PCCA: variants seen among roughly 807,000 people sequenced by gnomAD.
The protein encoded by PCCA is propionyl-CoA carboxylase subunit alpha, also known as propionyl-CoA carboxylase alpha chain, mitochondrial.
PCCA carries 74 observed loss-of-function variants against 101.3 expected under a neutral mutation model. That is an observed-to-expected ratio of 0.73 (90% CI 0.61 to 0.89). The LOEUF is 0.89. PCCA is among the 40% of genes least tolerant of loss of function. The probability of loss-of-function intolerance (pLI) is 0.00; values close to 1 mark genes in which losing one functional copy is unlikely to be tolerated. For synonymous variants in PCCA, 294 were observed against 313.6 expected (o/e 0.94, Z 0.66); for missense variants, 891 against 907.0 (o/e 0.98, Z 0.23).
At chr13:100,172,536 T>G (rs2055796719) in intron 6 of PCCA, among the ~76,000 whole-genome samples, 1 of 152,200 alleles carries the variant, frequency 6.6e-6, no homozygotes, top group Non-Finnish European at 1.5e-5. Flanking sequence ...GACTATGTAG[T>G]TTTATTATCA....
chr13:100,398,969 A>G (rs1164811738), intron 19 of PCCA, among the ~76,000 whole-genome samples: 5 of 152,112 alleles, frequency 3.3e-5, no homozygotes, highest in Non-Finnish European at 7.4e-5. Flanking sequence ...GAAGTATTGT[A>G]TTCTTTTTAA....
chr13:100,294,534 A>T (rs1016293899), intron 12 of PCCA, among the ~76,000 whole-genome samples: 1 of 151,934 alleles, frequency 6.6e-6, no homozygotes, highest in Non-Finnish European at 1.5e-5. Context: ...CCTATCTCCC[A>T]TCCCCCCAAA....
At chr13:100,330,309 A>G (rs1055545693) in intron 16 of PCCA, among the ~76,000 whole-genome samples, 2 of 152,234 alleles carry the variant, frequency 1.3e-5, no homozygotes, top group Admixed American at 6.5e-5. Context: ...CAAAACCACA[A>G]TTACTTTTGC....
chr13:100,412,889 C>T (rs971631719), intron 19 of PCCA, among the ~76,000 whole-genome samples: 1 of 151,992 alleles, frequency 6.6e-6, no homozygotes. Flanking sequence ...TCCTGTTAAT[C>T]AATTTGTAAT....
intron 8 of PCCA, among the ~76,000 whole-genome samples, chr13:100,253,578 G>A (rs143502236): frequency 2.2e-3 from 336 of 152,308 alleles, no homozygotes; most frequent in African/African-American, 7.8e-3. Context: ...GTCCAGAAAA[G>A]TAGCAATGGA....
intron 19 of PCCA, among the ~76,000 whole-genome samples, chr13:100,418,643 GC>G (rs2078538421): frequency 1.3e-5 from 2 of 152,152 alleles, no homozygotes; most frequent in African/African-American, 4.8e-5. Flanking sequence ...GACCAGCCTG[GC>G]CAACATGGTG....
chr13:100,276,283 T>C (rs1363949005), intron 12 of PCCA, among the ~76,000 whole-genome samples: 1 of 151,732 alleles, frequency 6.6e-6, no homozygotes, highest in Non-Finnish European at 1.5e-5. Context: ...TTTCAATTTA[T>C]TGAAAATATT....
At chr13:100,205,852 A>G (rs2058820400) in intron 6 of PCCA, among the ~76,000 whole-genome samples, 1 of 152,110 alleles carries the variant, frequency 6.6e-6, no homozygotes, top group African/African-American at 2.4e-5. Context: ...TTGAAGCATG[A>G]TTGTTTCCTC....
chr13:100,416,900 A>G (rs568670502), intron 19 of PCCA, among the ~76,000 whole-genome samples: 30 of 151,984 alleles, frequency 2.0e-4, no homozygotes, highest in Non-Finnish European at 3.5e-4. Context: ...CTGCAGTGCA[A>G]TGGCGCGATC....
chr13:100,191,774 C>T (rs572552920), intron 6 of PCCA, among the ~76,000 whole-genome samples: 30 of 152,316 alleles, frequency 2.0e-4, no homozygotes, highest in Admixed American at 1.4e-3. Context: ...AAGGAAGTCA[C>T]GCTGGCTGCT....
intron 6 of PCCA, among the ~76,000 whole-genome samples, chr13:100,172,924 C>T (rs1013169385): frequency 6.6e-6 from 1 of 152,198 alleles, no homozygotes; most frequent in Non-Finnish European, 1.5e-5. Context: ...CTCATAACTA[C>T]CGGACTATGC....
chr13:100,270,925 C>A (rs556187025), intron 11 of PCCA, among the ~76,000 whole-genome samples: 4 of 152,244 alleles, frequency 2.6e-5, no homozygotes, highest in African/African-American at 9.6e-5. Flanking sequence ...GGGAGGATTG[C>A]TTAACCCCAG....
intron 18 of PCCA, among the ~76,000 whole-genome samples, chr13:100,353,587 C>T (rs1053353833): frequency 2.0e-5 from 3 of 152,098 alleles, no homozygotes; most frequent in Non-Finnish European, 4.4e-5. Flanking sequence ...ATAAACATCA[C>T]AACATCTAAA....
At chr13:100,142,654 A>G (rs1295841427) in intron 4 of PCCA, among the ~76,000 whole-genome samples, 1 of 152,066 alleles carries the variant, frequency 6.6e-6, no homozygotes, top group Non-Finnish European at 1.5e-5. Flanking sequence ...TTATATTTTT[A>G]GTAGAGATGG....
At chr13:100,165,685 T>C (rs895310028) in intron 6 of PCCA, among the ~76,000 whole-genome samples, 1 of 152,170 alleles carries the variant, frequency 6.6e-6, no homozygotes, top group East Asian at 1.9e-4. Context: ...TCAACTTAAG[T>C]TGTAGATAAT....
At chr13:100,407,822 T>C (rs2077777880) in intron 19 of PCCA, among the ~76,000 whole-genome samples, 1 of 152,236 alleles carries the variant, frequency 6.6e-6, no homozygotes, top group Admixed American at 6.5e-5. Context: ...CTTAATTACA[T>C]GTTATAATAG....
At chr13:100,105,567 G>A (rs554469292) in intron 2 of PCCA, among the ~76,000 whole-genome samples, 83 of 149,444 alleles carry the variant, frequency 5.6e-4, no homozygotes, top group African/African-American at 2.0e-3. Flanking sequence ...GATGGCCCAC[G>A]CCTGTAATCC....
At chr13:100,333,748 T>C (rs1297058228) in intron 17 of PCCA, among the ~76,000 whole-genome samples, 1 of 152,208 alleles carries the variant, frequency 6.6e-6, no homozygotes, top group Non-Finnish European at 1.5e-5. Flanking sequence ...GTCAGAATTA[T>C]CTCATTCTTT....
At chr13:100,523,931 A>G (rs2087508393) in intron 22 of PCCA, among the ~76,000 whole-genome samples, 2 of 152,260 alleles carry the variant, frequency 1.3e-5, no homozygotes, top group Admixed American at 1.3e-4. Context: ...GGCCCCGCAC[A>G]TGGGGGCGTC....
Sources: allele counts gnomAD v4.1 joint callset (sites outside exome capture counted in the v4.1 genomes callset), GRCh38; gene constraint gnomAD v4.1.1; transcripts MANE v1.5; gene names NCBI Gene and HGNC (gene_info 2026-07-23, HGNC 2026-07-21).